Variants in STAG1 observed in about 807,000 individuals in gnomAD.
STAG1 encodes cohesin subunit SA-1.
Under a neutral mutation model 170.9 loss-of-function variants are expected in STAG1, and 26 were observed. That is an observed-to-expected ratio of 0.15 (90% CI 0.11 to 0.21). The LOEUF is 0.21. Among genes scored for constraint, STAG1 ranks in the 10% least tolerant of loss-of-function variants. STAG1 has a pLI of 1.00. For synonymous variants in STAG1, 514 were observed against 497.7 expected, an observed-to-expected ratio of 1.03 and a Z score of -0.44; for missense variants, 964 against 1,509.5, an observed-to-expected ratio of 0.64 and a Z score of 5.99.
In STAG1 at chr3:136,343,911, G is replaced by A. The variant is rs1032980741; in HGVS notation, c.3367C>T (p.Arg1123Trp). ...PAPQLTSTVL[R>W]ENSRPMGDQI... Reference sequence around the variant, plus strand: ...TCTCCCATGGGCCGACTGTTCTCCCGCAGTACAGTGGATGTGAGTTGTGGT... The same window carrying A: ...TCTCCCATGGGCCGACTGTTCTCCCACAGTACAGTGGATGTGAGTTGTGGT... The change falls in exon 30 of 34, where the codon CGG (arginine) becomes TGG (tryptophan). Residue 1123 changes from arginine to tryptophan, a missense_variant. By Grantham distance (101) the Arg-to-Trp change is moderately radical. Transcript: ENST00000383202. 4 of 1,610,810 alleles carry A rather than the reference G, an allele frequency of 2.5e-6. No individual in the cohort carries two copies. The highest frequency in any genetic ancestry group is 1.3e-5 in the African/African-American group (1 of 74,730).
In STAG1 at chr3:136,500,309, A is replaced by AT; in HGVS notation, c.829-14_829-13insA. ...GATTTTCTTGCAGCTGAAATGAAAA[A>AT]ATATATATAAGTTGAAATCCTGATC... is the stretch of plus-strand genomic sequence containing the variant. On this transcript the variant is annotated splice_polypyrimidine_tract_variant and intron_variant, in intron 8 of 33. Coordinates refer to ENST00000383202, the MANE Select transcript of STAG1 (RefSeq NM_005862.3). The AT allele has an allele frequency of 1.3e-6, 2 of 1,530,710 alleles. No homozygotes were observed. Among genetic ancestry groups the AT allele is most frequent in the Non-Finnish European group, 1.8e-6 (2 of 1,114,520 alleles). 94.8% of individuals were successfully genotyped at this position (1,530,710 alleles called of 1,614,324 possible).
chr3:136,507,020 G>A (rs754563779), intron 7 of STAG1, among the ~76,000 whole-genome samples: 5 of 152,148 alleles, frequency 3.3e-5, no homozygotes, highest in Admixed American at 1.3e-4. Context: ...CTTCCAAGCC[G>A]TATAAACATA....
chr3:136,497,762 G>A (rs867254368), intron 9 of STAG1, among the ~76,000 whole-genome samples: 1 of 151,776 alleles, frequency 6.6e-6, no homozygotes, highest in Middle Eastern at 3.2e-3. Context: ...GGCTGAGGCA[G>A]GAGAATGGCG....
chr3:136,506,051 A>G (rs1933743565), intron 7 of STAG1, among the ~76,000 whole-genome samples: 1 of 152,216 alleles, frequency 6.6e-6, no homozygotes, highest in South Asian at 2.1e-4. Context: ...CCTCTCCTTA[A>G]GGCTCATGAA....
chr3:136,340,758 TAAG>T (rs1233743322), intron 31 of STAG1, among the ~76,000 whole-genome samples, 153 bp from the exon 32 acceptor site: 6 of 152,338 alleles, frequency 3.9e-5, no homozygotes, highest in South Asian at 2.1e-4. Flanking sequence ...CCAAGACAAT[TAAG>T]AATCATTCCT....
chr3:136,516,424 C>G (rs1934382358), intron 7 of STAG1, among the ~76,000 whole-genome samples: 2 of 152,164 alleles, frequency 1.3e-5, no homozygotes, highest in Non-Finnish European at 2.9e-5. Context: ...GGAAGGATCG[C>G]TTGAGCCTGG....
intron 5 of STAG1, among the ~76,000 whole-genome samples, chr3:136,554,132 G>A (rs931063675): frequency 3.3e-5 from 5 of 151,984 alleles, no homozygotes; most frequent in Non-Finnish European, 7.4e-5. Flanking sequence ...AAGTATTGCC[G>A]GAGATAAAGA....
intron 1 of STAG1, among the ~76,000 whole-genome samples, chr3:136,751,469 C>T (rs1935234066): frequency 6.6e-6 from 1 of 152,156 alleles, no homozygotes; most frequent in South Asian, 2.1e-4. Flanking sequence ...GGCCTCGTCT[C>T]TCAGGGGACT....
chr3:136,373,109 C>T (rs1937435677), intron 23 of STAG1, among the ~76,000 whole-genome samples: 1 of 152,196 alleles, frequency 6.6e-6, no homozygotes, highest in African/African-American at 2.4e-5. Context: ...TTATCCATTT[C>T]TTCTAGATTT....
chr3:136,368,532 T>C (rs1236661584), intron 24 of STAG1, among the ~76,000 whole-genome samples: 2 of 144,740 alleles, frequency 1.4e-5, no homozygotes, highest in Non-Finnish European at 3.0e-5. Context: ...CATAGCCAAT[T>C]AGAAACAACA....
intron 1 of STAG1, among the ~76,000 whole-genome samples, chr3:136,669,089 T>C (rs2107873607): frequency 6.6e-6 from 1 of 152,316 alleles, no homozygotes; most frequent in Non-Finnish European, 1.5e-5. Flanking sequence ...TTGTTGTATT[T>C]ACTCCATTTC....
intron 9 of STAG1, among the ~76,000 whole-genome samples, chr3:136,493,968 A>G (rs1316869381): frequency 2.0e-5 from 3 of 152,218 alleles, no homozygotes; most frequent in Non-Finnish European, 4.4e-5. Context: ...TGACTCAAAA[A>G]CAACAAAAAA....
intron 4 of STAG1, among the ~76,000 whole-genome samples, chr3:136,573,694 C>T (rs569095109): frequency 2.0e-4 from 31 of 152,206 alleles, no homozygotes; most frequent in African/African-American, 6.7e-4. Context: ...CCCAACTGGC[C>T]GGGCATGGTG....
At chr3:136,633,372 A>G (rs1940409621) in intron 1 of STAG1, among the ~76,000 whole-genome samples, 1 of 152,204 alleles carries the variant, frequency 6.6e-6, no homozygotes, top group Non-Finnish European at 1.5e-5. Context: ...AAATAAGAGC[A>G]GAAGGAATTT....
chr3:136,423,767 A>G (rs2088028439), intron 16 of STAG1, among the ~76,000 whole-genome samples: 1 of 152,228 alleles, frequency 6.6e-6, no homozygotes, highest in Non-Finnish European at 1.5e-5. Flanking sequence ...AAACATTCCA[A>G]TATAAATTGC....
intron 10 of STAG1, 98 bp from the exon 11 acceptor site, chr3:136,473,735 T>G: frequency 1.2e-6 from 1 of 811,854 alleles, no homozygotes; most frequent in Non-Finnish European, 2.1e-6. Flanking sequence ...AACATTTGAC[T>G]TACTGCATAT....
intron 1 of STAG1, among the ~76,000 whole-genome samples, chr3:136,716,649 T>C (rs1306530319): frequency 6.6e-6 from 1 of 152,124 alleles, no homozygotes; most frequent in Non-Finnish European, 1.5e-5. Context: ...CCTGTCTCTT[T>C]AAAAAGAAAC....
chr3:136,499,176 TG>T (rs1226399984), intron 9 of STAG1, among the ~76,000 whole-genome samples: 5 of 152,208 alleles, frequency 3.3e-5, no homozygotes, highest in Admixed American at 3.3e-4. Flanking sequence ...AGGTCAGCTG[TG>T]TATGTGTGTA....
rs569748985 is a variant in STAG1 at position 136,342,627 on chromosome 3, G to A, written c.3447-1076C>T. On this transcript the variant is annotated intron_variant, in intron 30 of 33. Coordinates refer to ENST00000383202, the MANE Select transcript of STAG1 (RefSeq NM_005862.3). The stretch of plus-strand genomic sequence containing the variant: ...CTCCTGAATAGTTGGGATCACAGGC[G>A]TGTGCCACCATACCCATACATTTAT... Among the ~76,000 whole-genome samples, 28 of 152,362 alleles carry A rather than the reference G, an allele frequency of 1.8e-4. No homozygotes were observed. The South Asian group carries it at 5.6e-3, about 30-fold the overall frequency.
Sources: allele counts gnomAD v4.1 joint callset (sites outside exome capture counted in the v4.1 genomes callset), GRCh38; gene constraint gnomAD v4.1.1; transcripts MANE v1.5; gene names NCBI Gene and HGNC (gene_info 2026-07-23, HGNC 2026-07-21).